The following TLN2 variants were observed in gnomAD, a reference collection of about 807,000 sequenced individuals.
TLN2 encodes the protein talin 2, also known as talin-2.
Under a neutral mutation model 294.7 loss-of-function variants are expected in TLN2, and 118 were observed. The ratio of observed to expected loss-of-function variants is 0.40; its 90% CI spans 0.34 to 0.47. TLN2 has a LOEUF of 0.47. TLN2 is among the 20% of genes least tolerant of loss of function. The pLI, the probability that TLN2 is intolerant of heterozygous loss-of-function variation, is 0.84. For synonymous variants in TLN2, 1,431 were observed against 1,304.5 expected, an observed-to-expected ratio of 1.10 and a Z score of -2.09; for missense variants, 3,083 against 3,282.2, an observed-to-expected ratio of 0.94 and a Z score of 1.48.
At chr15:62,636,000 C>G (rs769152338) in intron 3 of TLN2, among the ~76,000 whole-genome samples, 1 of 152,072 alleles carries the variant, frequency 6.6e-6, no homozygotes, top group African/African-American at 2.4e-5. Context: ...TGGGCGAAGT[C>G]TAAACCTCTT....
At chr15:62,816,754 C>G (rs959096353) in intron 52 of TLN2, among the ~76,000 whole-genome samples, 4 of 152,152 alleles carry the variant, frequency 2.6e-5, no homozygotes, top group Non-Finnish European at 2.9e-5. Context: ...CTGTGTTGGC[C>G]ACTTTAGAGA....
At chr15:62,551,214 T>C (rs1567087428) in intron 1 of TLN2, among the ~76,000 whole-genome samples, 1 of 152,140 alleles carries the variant, frequency 6.6e-6, no homozygotes, top group African/African-American at 2.4e-5. Context: ...TAAATACAGA[T>C]GAAGCTTCGC....
intron 1 of TLN2, among the ~76,000 whole-genome samples, chr15:62,452,459 A>T (rs1324611015): frequency 6.6e-6 from 1 of 152,194 alleles, no homozygotes; most frequent in Non-Finnish European, 1.5e-5. Flanking sequence ...AATAAACATA[A>T]CACGAAATTT....
At chr15:62,408,992 G>C (rs368532804) in intron 1 of TLN2, among the ~76,000 whole-genome samples, 4 of 150,950 alleles carry the variant, frequency 2.6e-5, no homozygotes, top group Non-Finnish European at 5.9e-5. Flanking sequence ...TTTATTTTTT[G>C]GGGGGTACAG....
intron 3 of TLN2, among the ~76,000 whole-genome samples, chr15:62,630,503 C>G (rs2049694850): frequency 6.6e-6 from 1 of 152,140 alleles, no homozygotes; most frequent in South Asian, 2.1e-4. Context: ...GGAGAAGTGC[C>G]ACAGACGTCG....
intron 1 of TLN2, among the ~76,000 whole-genome samples, chr15:62,474,220 A>G (rs1280013815): frequency 6.6e-6 from 1 of 152,264 alleles, no homozygotes; most frequent in Non-Finnish European, 1.5e-5. Context: ...AAGAAATTTC[A>G]GAGGGCTCAT....
intron 1 of TLN2, among the ~76,000 whole-genome samples, chr15:62,487,913 TA>T (rs1159948639): frequency 2.0e-5 from 3 of 149,472 alleles, no homozygotes; most frequent in African/African-American, 7.4e-5. Context: ...AAAAAATAAA[TA>T]AATAAATAAA....
chr15:62,747,736 A>G (rs1310105099), intron 32 of TLN2, among the ~76,000 whole-genome samples: 1 of 152,150 alleles, frequency 6.6e-6, no homozygotes, highest in Non-Finnish European at 1.5e-5. Flanking sequence ...GCTTCCCTAA[A>G]CTTTACCAAC....
chr15:62,429,458 C>T (rs1050642165), intron 1 of TLN2, among the ~76,000 whole-genome samples: 3 of 152,186 alleles, frequency 2.0e-5, no homozygotes, highest in African/African-American at 7.2e-5. Context: ...GACGTCTCCC[C>T]ACCCGACTTG....
At chr15:62,772,763 A>T (rs771296136) in intron 42 of TLN2, among the ~76,000 whole-genome samples, 25 of 151,870 alleles carry the variant, frequency 1.6e-4, no homozygotes, top group Non-Finnish European at 2.6e-4. Context: ...CCCGGGTTCA[A>T]GTGATTCTCC....
At chr15:62,437,088 A>G (rs2035321433) in intron 1 of TLN2, among the ~76,000 whole-genome samples, 1 of 152,210 alleles carries the variant, frequency 6.6e-6, no homozygotes, top group African/African-American at 2.4e-5. Context: ...TTCCCAACAC[A>G]TTGGTTCAAT....
chr15:62,771,666 T>G (rs182004648), intron 42 of TLN2, among the ~76,000 whole-genome samples: 2 of 152,356 alleles, frequency 1.3e-5, no homozygotes, highest in East Asian at 3.9e-4. Flanking sequence ...ACTTGGGAAC[T>G]GAAGAAGAGA....
intron 54 of TLN2, chr15:62,823,892 C>T: frequency 2.1e-6 from 1 of 478,302 alleles, no homozygotes; most frequent in Admixed American, 2.4e-5. Context: ...AGTGACCACC[C>T]CCTGCAGCCG....
At chr15:62,769,411 G>A (rs2063211652) in intron 41 of TLN2, among the ~76,000 whole-genome samples, 1 of 152,152 alleles carries the variant, frequency 6.6e-6, no homozygotes, top group African/African-American at 2.4e-5. Flanking sequence ...CGAAAATTCA[G>A]CCCATGCTCT....
chr15:62,449,378 A>G (rs898152360), intron 1 of TLN2, among the ~76,000 whole-genome samples: 3 of 152,160 alleles, frequency 2.0e-5, no homozygotes, highest in Admixed American at 1.3e-4. Context: ...CTCCTCTGCT[A>G]AGATCCTTGG....
At chr15:62,780,208 C>T (rs2064037488) in intron 43 of TLN2, among the ~76,000 whole-genome samples, 1 of 152,218 alleles carries the variant, frequency 6.6e-6, no homozygotes, top group African/African-American at 2.4e-5. Context: ...TTCACTTTGT[C>T]TCTTCGCCTG....
intron 1 of TLN2, among the ~76,000 whole-genome samples, chr15:62,503,973 A>G (rs976549512): frequency 2.0e-5 from 3 of 149,756 alleles, no homozygotes; most frequent in Non-Finnish European, 3.0e-5. Flanking sequence ...TGGGCGCCAC[A>G]TCTGCCTGTT....
chr15:62,609,816 C>A (rs1473768218), intron 2 of TLN2, among the ~76,000 whole-genome samples: 1 of 152,128 alleles, frequency 6.6e-6, no homozygotes, highest in African/African-American at 2.4e-5. Flanking sequence ...GCTATCCCAT[C>A]CCTCGTGAAA....
At chr15:62,713,215 G>T (rs1226586568) in intron 22 of TLN2, among the ~76,000 whole-genome samples, 1 of 142,272 alleles carries the variant, frequency 7.0e-6, no homozygotes, top group Non-Finnish European at 1.5e-5. Flanking sequence ...AGGTTGCAGT[G>T]AGCCAAGATC....
Sources: gnomAD v4.1 joint callset for allele counts (sites outside exome capture counted in the v4.1 genomes callset) on GRCh38, gnomAD v4.1.1 for gene constraint, MANE v1.5 for transcripts, NCBI Gene and HGNC (gene_info 2026-07-23, HGNC 2026-07-21) for gene names.